INO80C: variants seen among roughly 807,000 people sequenced by gnomAD.
INO80C encodes INO80 complex subunit C.
Under a neutral mutation model 17.7 loss-of-function variants are expected in INO80C, and 17 were observed. The observed-to-expected ratio is 0.96, with a 90% CI of 0.66 to 1.44. The LOEUF is 1.44. INO80C is among the 40% of genes most tolerant of loss of function. INO80C has a pLI of 0.00. For missense variants in INO80C, 244 were observed against 245.0 expected, an observed-to-expected ratio of 1.00 and a Z score of 0.03; for synonymous variants, 96 against 95.8, an observed-to-expected ratio of 1.00 and a Z score of -0.01.
At chr18:35,493,053 T>G (rs1463195936) in intron 1 of INO80C, among the ~76,000 whole-genome samples, 1 of 152,202 alleles carries the variant, frequency 6.6e-6, no homozygotes, top group African/African-American at 2.4e-5. Context: ...CTGGACGGCA[T>G]GCCTGGGTTC....
At position 35,480,465 on chromosome 18, in the gene INO80C, A is replaced by T; in HGVS notation, c.255T>A (p.Asp85Glu). The change falls in exon 2 of 5, where the codon GAT becomes GAA. Residue 85 changes from aspartate (D) to glutamate (E), a missense_variant. Asp to Glu is a conservative substitution (Grantham distance 45, BLOSUM62 2). Coordinates refer to ENST00000334598, the MANE Select transcript of INO80C (RefSeq NM_194281.4). ...EKAAKPLPFK[D>E]PNFVHSGHGG... ...CTTCGATGCTTACCACAAAGTTGGG[A>T]TCCTTAAATGGCAAAGGTTTGGCAG... 6.2e-7 allele frequency: 1 copy of T among 1,611,366 alleles called. No individual in the cohort carries two copies. Among genetic ancestry groups the T allele is most frequent in the African/African-American group, 1.3e-5 (1 of 75,006 alleles).
At chr18:35,479,009 AAG>A in intron 3 of INO80C, 1 of 256,560 alleles carries the variant, frequency 3.9e-6, no homozygotes, top group South Asian at 9.4e-5. Context: ...AACACATTTT[AAG>A]AGTAGACTTT....
intron 1 of INO80C, among the ~76,000 whole-genome samples, chr18:35,490,518 A>G (rs1485597228): frequency 6.6e-6 from 1 of 152,210 alleles, no homozygotes; most frequent in Non-Finnish European, 1.5e-5. Context: ...AGTTTCTCAT[A>G]AAGAATATGA....
At chr18:35,487,990 G>T (rs2144075597) in intron 1 of INO80C, among the ~76,000 whole-genome samples, 1 of 152,332 alleles carries the variant, frequency 6.6e-6, no homozygotes, top group African/African-American at 2.4e-5. Flanking sequence ...GCTCCAAAAT[G>T]ATCTCCTTTG....
chr18:35,493,974 G>A (rs2045955358), intron 1 of INO80C, among the ~76,000 whole-genome samples: 1 of 152,162 alleles, frequency 6.6e-6, no homozygotes, highest in Non-Finnish European at 1.5e-5. Context: ...TCCCCACTAA[G>A]GGAACCTTGG....
chr18:35,483,136 C>T (rs762800151), intron 1 of INO80C, among the ~76,000 whole-genome samples: 1 of 152,142 alleles, frequency 6.6e-6, no homozygotes, highest in East Asian at 1.9e-4. Context: ...CATTGGGATT[C>T]GTCCATGTCA....
At chr18:35,496,184 T>A (rs2045979276) in intron 1 of INO80C, among the ~76,000 whole-genome samples, 1 of 152,242 alleles carries the variant, frequency 6.6e-6, no homozygotes, top group Non-Finnish European at 1.5e-5. Context: ...AAAGCATCTA[T>A]CTACACAAAG....
intron 1 of INO80C, chr18:35,496,869 C>G (rs355335): frequency 0.76 from 115,624 of 152,106 alleles, 44,089 homozygotes; most frequent in East Asian, 0.98. Context: ...GCATTGTACT[C>G]TGTGTAAATC....
Position 35,497,949 on chromosome 18 carries a change from T to C in INO80C, c.-75A>G, listed in dbSNP as rs2046003488. The C allele has an allele frequency of 7.0e-7, 1 of 1,420,526 alleles. No individual in the cohort carries two copies. The highest frequency in any genetic ancestry group is 9.3e-7 in the Non-Finnish European group (1 of 1,074,612). The allele number at this position is 1,420,526 out of a possible 1,614,324, so 88.0% of individuals were successfully genotyped here. A position where few individuals can be genotyped will look rare whatever the true frequency, so the allele number is the denominator to read the frequency against. ...CTTGGAACTTCCTTTCCGCTGTTAC[T>C]TCCGTCTTGATGCTTGAAAACCCGG... On this transcript the variant is annotated 5_prime_UTR_variant, in exon 1 of 5. Coordinates refer to ENST00000334598, the MANE Select transcript of INO80C (RefSeq NM_194281.4).
chr18:35,484,625 C>G (rs2045851687), intron 1 of INO80C, among the ~76,000 whole-genome samples: 2 of 152,170 alleles, frequency 1.3e-5, no homozygotes, highest in Admixed American at 6.5e-5. Flanking sequence ...ATTGCATTAC[C>G]TATTATAAGT....
chr18:35,480,426 T>C, intron 2 of INO80C, 27 bp downstream of exon 2: 1 of 1,485,216 alleles, frequency 6.7e-7, no homozygotes, highest in African/African-American at 1.4e-5. Context: ...TTTGGATGTT[T>C]ATTCAGCTAA....
At chr18:35,469,498 A>T (rs1429648575) in intron 4 of INO80C, among the ~76,000 whole-genome samples, 1 of 151,932 alleles carries the variant, frequency 6.6e-6, no homozygotes, top group Non-Finnish European at 1.5e-5. Context: ...ACCATGCCCC[A>T]TCTGTCCTTT....
chr18:35,492,046 A>G lies in INO80C; in HGVS notation c.156+5673T>C, dbSNP rs928313245. On this transcript the variant is annotated intron_variant, in intron 1 of 4. Coordinates refer to ENST00000334598, the MANE Select transcript of INO80C (RefSeq NM_194281.4). ...CAAATCAATGGCTTCATCTCTCCAG[A>G]CAGTAGTGTGCTTGACTCTGAATCA... Among the ~76,000 whole-genome samples the G allele has an allele frequency of 3.3e-5, 5 of 152,322 alleles. No individual in the cohort carries two copies. In the East Asian group the frequency reaches 9.7e-4, roughly 29 times the overall value.
chr18:35,485,773 T>G (rs2045866893), intron 1 of INO80C, among the ~76,000 whole-genome samples: 1 of 152,196 alleles, frequency 6.6e-6, no homozygotes, highest in African/African-American at 2.4e-5. Context: ...ATAGCAGCAT[T>G]ATTCATAATT....
Position 35,479,296 on chromosome 18 carries a change from TCA to T in INO80C, c.379+2_379+3del, listed in dbSNP as rs1323332387. Reference sequence around the variant, plus strand: ...AAACACATGGAAGGCTCTAGACAGCTCACAGTTAGGATCGTTCAGTTGCCACG... The same window carrying T: ...AAACACATGGAAGGCTCTAGACAGCTCAGTTAGGATCGTTCAGTTGCCACG... On this transcript the variant is annotated splice_donor_variant and splice_donor_region_variant and intron_variant, in intron 3 of 4. Coordinates refer to ENST00000334598, the MANE Select transcript of INO80C (RefSeq NM_194281.4). LOFTEE classifies it high-confidence loss of function. The T allele has an allele frequency of 6.3e-7, 1 of 1,585,328 alleles. No homozygotes were observed. Among genetic ancestry groups the T allele is most frequent in the African/African-American group, 1.3e-5 (1 of 74,332 alleles).
chr18:35,492,860 T>TATCA (rs1567989273), intron 1 of INO80C, among the ~76,000 whole-genome samples: 1 of 152,236 alleles, frequency 6.6e-6, no homozygotes, highest in Non-Finnish European at 1.5e-5. Context: ...CAGTACATTT[T>TATCA]ATCAACTTTA....
At chr18:35,484,857 A>C (rs914673928) in intron 1 of INO80C, among the ~76,000 whole-genome samples, 1 of 152,230 alleles carries the variant, frequency 6.6e-6, no homozygotes, top group African/African-American at 2.4e-5. Flanking sequence ...GGAAAGTATA[A>C]GACTAGAACA....
chr18:35,479,196 A>G (rs2045775348), intron 3 of INO80C, 104 bp downstream of exon 3: 1 of 726,084 alleles, frequency 1.4e-6, no homozygotes, highest in Non-Finnish European at 2.3e-6. Flanking sequence ...CAAGCTAAAA[A>G]TTATTTCCTA....
intron 1 of INO80C, among the ~76,000 whole-genome samples, chr18:35,481,589 G>A (rs185083498): frequency 1.3e-3 from 194 of 152,272 alleles, no homozygotes; most frequent in African/African-American, 4.2e-3. Flanking sequence ...TCAGCATAAA[G>A]TTTCTGAGAT....
Sources: gnomAD v4.1 joint callset for allele counts (sites outside exome capture counted in the v4.1 genomes callset) on GRCh38, gnomAD v4.1.1 for gene constraint, MANE v1.5 for transcripts, NCBI Gene and HGNC (gene_info 2026-07-23, HGNC 2026-07-21) for gene names.